PI4KA: variants seen among roughly 807,000 people sequenced by gnomAD.
PI4KA encodes phosphatidylinositol 4-kinase alpha.
In PI4KA, 122 loss-of-function variants were observed where a neutral mutation model predicts 271.4. The ratio of observed to expected loss-of-function variants is 0.45; its 90% confidence interval spans 0.39 to 0.52. The LOEUF is 0.52. Ranked by LOEUF, PI4KA falls within the 20% of genes least tolerant of loss-of-function variation. The pLI is 0.00. For missense variants in PI4KA, 1,969 were observed against 2,769.1 expected, an observed-to-expected ratio of 0.71 and a Z score of 6.48; for synonymous variants, 1,041 against 1,078.8, an observed-to-expected ratio of 0.96 and a Z score of 0.69.
chr22:20,763,447 T>C (rs1054564428), intron 22 of PI4KA, among the ~76,000 whole-genome samples: 6 of 150,458 alleles, frequency 4.0e-5, no homozygotes, highest in African/African-American at 1.2e-4. Context: ...TTTTTTTCTT[T>C]TTTTTTTTTT....
chr22:20,782,513 T>C (rs1933877280), intron 19 of PI4KA, among the ~76,000 whole-genome samples: 1 of 152,210 alleles, frequency 6.6e-6, no homozygotes, highest in South Asian at 2.1e-4. Flanking sequence ...TTACTAATTT[T>C]GTTCTAATTT....
At chr22:20,851,454 T>C (rs1926970261) in intron 1 of PI4KA, among the ~76,000 whole-genome samples, 1 of 152,168 alleles carries the variant, frequency 6.6e-6, no homozygotes, top group South Asian at 2.1e-4. Flanking sequence ...TCTCCTGTCT[T>C]AGCCTCCCAA....
chr22:20,783,283 T>C (rs1231827109), intron 19 of PI4KA, among the ~76,000 whole-genome samples: 1 of 151,738 alleles, frequency 6.6e-6, no homozygotes, highest in Non-Finnish European at 1.5e-5. Context: ...AGAATCACAG[T>C]GTGAGGGATG....
chr22:20,813,548 C>T (rs764932941), intron 7 of PI4KA, 42 bp from the exon 8 acceptor site: 9 of 1,598,164 alleles, frequency 5.6e-6, no homozygotes, highest in Non-Finnish European at 7.7e-6. Flanking sequence ...TGGTGACAGG[C>T]AACTAGGGTA....
At position 20,721,351 on chromosome 22, in the gene PI4KA, A is replaced by G. The variant is rs1926714924; in HGVS notation, c.5063T>C (p.Ile1688Thr). Residue 1688 changes from isoleucine (I) to threonine (T), a missense_variant, in exon 43 of 55, where the codon ATC (isoleucine) becomes ACC (threonine). Around this residue, in one of 13 missense-constraint regions of PI4KA, gnomAD observed 388 missense variants for 521.5 expected, o/e 0.74. Coordinates refer to ENST00000255882, the MANE Select transcript of PI4KA (RefSeq NM_058004.4). ...SKSQLLAHQFIWNMKTNIYLD... is the reference protein window; with the variant it reads ...SKSQLLAHQFTWNMKTNIYLD... ...ATAAATGTTAGTCTTCATGTTCCAG[A>G]TGAACTGGTGTGCCAGAAGCTGGGA... 1 of 1,613,868 alleles carries G rather than the reference A, an allele frequency of 6.2e-7. No homozygotes were observed. The highest frequency in any genetic ancestry group is 8.5e-7 in the Non-Finnish European group (1 of 1,179,910).
At chr22:20,727,468 C>T in intron 40 of PI4KA, 71 bp from the exon 41 acceptor site, 1 of 1,381,994 alleles carries the variant, frequency 7.2e-7, no homozygotes, top group Non-Finnish European at 9.8e-7. Context: ...GGTCCACGGG[C>T]CACACAAGGA....
chr22:20,774,811 T>C (rs1481906894), intron 19 of PI4KA, among the ~76,000 whole-genome samples: 2 of 149,302 alleles, frequency 1.3e-5, no homozygotes, highest in East Asian at 1.9e-4. Context: ...GAACAAGATA[T>C]AGGAGACCTA....
intron 34 of PI4KA, 25 bp downstream of exon 34, chr22:20,734,018 T>C (rs1364476176): frequency 1.3e-6 from 2 of 1,554,792 alleles, no homozygotes; most frequent in Non-Finnish European, 1.7e-6. Context: ...AGGGGCCCTG[T>C]GCTCCCCAGG....
At chr22:20,830,123 T>G (rs1178471942) in intron 3 of PI4KA, among the ~76,000 whole-genome samples, 1 of 152,192 alleles carries the variant, frequency 6.6e-6, no homozygotes, top group East Asian at 1.9e-4. Flanking sequence ...TGCTTTCGAG[T>G]GGAGTGTTCT....
intron 47 of PI4KA, among the ~76,000 whole-genome samples, 193 bp downstream of exon 47, chr22:20,714,265 G>C (rs1925696218): frequency 6.6e-6 from 1 of 152,134 alleles, no homozygotes; most frequent in South Asian, 2.1e-4. Flanking sequence ...CAGACCTCTG[G>C]GGTGGCACAT....
At position 20,824,913 on chromosome 22, in the gene PI4KA, T is replaced by C. The variant is rs539269312; in HGVS notation, c.368-499A>G. The stretch of plus-strand genomic sequence containing the variant: ...GGTGAAACCCCGTCTCTACTAAAAA[T>C]ACAAAAATTAGCTGGGTGTGGTGGC... On this transcript the variant is annotated intron_variant, in intron 3 of 54. Transcript: ENST00000255882. Among the ~76,000 whole-genome samples the C allele has an allele frequency of 2.9e-4, 44 of 151,078 alleles. No homozygotes were observed. The East Asian group carries it at 8.6e-3, about 30-fold the overall frequency.
At position 20,749,946 on chromosome 22, in the gene PI4KA, C is replaced by T. The variant is rs1303140730; in HGVS notation, c.3202G>A (p.Ala1068Thr). The change falls in exon 28 of 55, where the codon GCC (alanine) becomes ACC (threonine). Residue 1068 changes from alanine (A) to threonine (T), a missense_variant. Transcript: ENST00000255882. ...AARCGMILQE[A>T]MKWAPTVTKS... ...GTGACGGTAGGTGCCCACTTCATGG[C>T]CTCCTGGAGGATCATCCCACAGCGT... The T allele has an allele frequency of 1.2e-6, 2 of 1,613,434 alleles. No individual in the cohort carries two copies. Among genetic ancestry groups the T allele is most frequent in the Non-Finnish European group, 1.7e-6 (2 of 1,179,478 alleles).
intron 40 of PI4KA, 185 bp from the exon 41 acceptor site, chr22:20,727,582 ATTT>A (rs1445222556): frequency 1.5e-6 from 1 of 686,600 alleles, no homozygotes. Context: ...AGTGCATTAC[ATTT>A]TTTTCTACTG....
At chr22:20,788,294 ACACAAGGAGTCCTGT>A (rs889084655) in intron 19 of PI4KA, among the ~76,000 whole-genome samples, 4 of 152,206 alleles carry the variant, frequency 2.6e-5, no homozygotes, top group Non-Finnish European at 5.9e-5. Context: ...TCCAGGGACC[ACACAAGGAGTCCTGT>A]CACAGGCTTC....
intron 19 of PI4KA, among the ~76,000 whole-genome samples, chr22:20,791,824 G>A (rs1224754310): frequency 6.6e-6 from 1 of 152,196 alleles, no homozygotes; most frequent in Non-Finnish European, 1.5e-5. Context: ...TGGCAGGCCG[G>A]GCGCGGCAGC....
At chr22:20,793,043 A>G (rs1338962312) in intron 19 of PI4KA, 150 bp downstream of exon 19, 4 of 616,686 alleles carry the variant, frequency 6.5e-6, no homozygotes, top group Non-Finnish European at 1.2e-5. Flanking sequence ...CTGTCATGGA[A>G]AAGCTGGTGA....
chr22:20,850,531 C>T (rs960668717), intron 1 of PI4KA, among the ~76,000 whole-genome samples: 1 of 151,922 alleles, frequency 6.6e-6, no homozygotes. Context: ...GCAAGCTCCG[C>T]CTCCCAGGTT....
chr22:20,803,830 T>C (rs1206161977), intron 12 of PI4KA, among the ~76,000 whole-genome samples: 1 of 152,174 alleles, frequency 6.6e-6, no homozygotes. Context: ...GGGATATAGA[T>C]TGTTAAAGTG....
At chr22:20,783,827 C>A in intron 19 of PI4KA, 4 of 1,073,044 alleles carry the variant, frequency 3.7e-6, no homozygotes, top group Non-Finnish European at 5.6e-6. Flanking sequence ...CTGCCCAAAT[C>A]AGGCCTCAGG....
Sources: allele counts gnomAD v4.1 joint callset (sites outside exome capture counted in the v4.1 genomes callset), GRCh38; gene constraint gnomAD v4.1.1; regional missense constraint gnomAD v4.1.1; transcripts MANE v1.5; gene names NCBI Gene and HGNC (gene_info 2026-07-23, HGNC 2026-07-21).